NALCN: variants seen among roughly 807,000 people sequenced by gnomAD.
NALCN encodes the protein sodium leak channel, non-selective, also known as sodium leak channel NALCN.
In NALCN, 111 loss-of-function variants were observed where a neutral mutation model predicts 225.3. That is an observed-to-expected ratio of 0.49 (90% CI 0.42 to 0.58). The LOEUF (loss-of-function observed/expected upper bound fraction) is 0.58, where lower values mean the gene tolerates loss of function less well. NALCN is among the 20% of genes least tolerant of loss of function. NALCN has a pLI of 0.00. For synonymous variants in NALCN, 764 were observed against 769.0 expected (o/e 0.99, Z 0.11); for missense variants, 1,378 against 2,202.4 (o/e 0.63, Z 7.49).
intron 7 of NALCN, among the ~76,000 whole-genome samples, chr13:101,295,718 G>A (rs762786472): frequency 1.3e-5 from 2 of 152,112 alleles, no homozygotes; most frequent in Non-Finnish European, 2.9e-5. Context: ...AGACGCTGAC[G>A]ATGGAAAGAA....
At chr13:101,127,917 A>T (rs1230198794) in intron 17 of NALCN, among the ~76,000 whole-genome samples, 1 of 152,186 alleles carries the variant, frequency 6.6e-6, no homozygotes, top group Non-Finnish European at 1.5e-5. Context: ...AAACATAAAG[A>T]GCTCAGAGCT....
intron 6 of NALCN, among the ~76,000 whole-genome samples, chr13:101,346,801 C>T (rs563790283): frequency 7.9e-5 from 12 of 152,234 alleles, no homozygotes; most frequent in African/African-American, 2.4e-4. Context: ...CAAATAGCTG[C>T]TATCTGAGGT....
intron 1 of NALCN, among the ~76,000 whole-genome samples, chr13:101,415,360 T>C (rs1469218813): frequency 1.3e-5 from 2 of 152,112 alleles, no homozygotes; most frequent in African/African-American, 4.8e-5. Flanking sequence ...GCCTAGCTGA[T>C]GACCACACGA....
chr13:101,076,342 C>T lies in NALCN; in HGVS notation c.3886-401G>A, dbSNP rs532807984. Among the ~76,000 whole-genome samples the T allele has an allele frequency of 2.0e-5, 3 of 152,308 alleles. No individual in the cohort carries two copies. In the East Asian group the frequency reaches 5.8e-4, roughly 29 times the overall value. ...GATGGTGGAAAAGATTGCCAGAAGT[C>T]AGATTCTAGACACCACTGAAGAACA... is the stretch of plus-strand genomic sequence containing the variant. On this transcript the variant is annotated intron_variant, in intron 34 of 43. Coordinates refer to ENST00000251127, the MANE Select transcript of NALCN (RefSeq NM_052867.4).
At chr13:101,097,271 T>C (rs2034560909) in intron 27 of NALCN, among the ~76,000 whole-genome samples, 1 of 152,220 alleles carries the variant, frequency 6.6e-6, no homozygotes, top group Admixed American at 6.5e-5. Context: ...CCTTCCAGTC[T>C]TTTTTCCTAT....
chr13:101,338,200 G>A (rs752213430), intron 7 of NALCN, among the ~76,000 whole-genome samples: 3 of 152,130 alleles, frequency 2.0e-5, no homozygotes, highest in Non-Finnish European at 2.9e-5. Flanking sequence ...ACCATATACA[G>A]CTCGTGTAGT....
intron 30 of NALCN, among the ~76,000 whole-genome samples, chr13:101,087,144 A>C (rs34907378): frequency 0.17 from 25,979 of 152,134 alleles, 2,607 homozygotes; most frequent in Non-Finnish European, 0.23. Context: ...AAAAAAATCT[A>C]TATTACTAAT....
chr13:101,353,254 T>C (rs751531365), intron 6 of NALCN, among the ~76,000 whole-genome samples: 3 of 152,184 alleles, frequency 2.0e-5, no homozygotes, highest in Non-Finnish European at 4.4e-5. Flanking sequence ...GTGGCAGATA[T>C]AAAAATTTAG....
chr13:101,395,857 A>G (rs2047276516), intron 2 of NALCN, among the ~76,000 whole-genome samples: 1 of 152,206 alleles, frequency 6.6e-6, no homozygotes, highest in Non-Finnish European at 1.5e-5. Flanking sequence ...CATCTAGCAC[A>G]AGGGCCTATC....
chr13:101,359,759 G>C (rs1015353748), intron 6 of NALCN, among the ~76,000 whole-genome samples: 1 of 152,152 alleles, frequency 6.6e-6, no homozygotes, highest in Admixed American at 6.5e-5. Flanking sequence ...AGAAACACAG[G>C]CTCTTCCACT....
intron 13 of NALCN, among the ~76,000 whole-genome samples, chr13:101,196,407 G>T (rs1159488601): frequency 6.6e-6 from 1 of 151,912 alleles, no homozygotes; most frequent in Non-Finnish European, 1.5e-5. Flanking sequence ...TTATTCTTGG[G>T]GTCCTCTCAC....
In NALCN at chr13:101,292,147, G is replaced by C. The variant is rs2043578475; in HGVS notation, c.943-53C>G. ...CAAAGTCTAAGAATGACAAAGCAGA[G>C]GGCAACCAAAACCAAACAAAAGATC... On this transcript the variant is annotated intron_variant, in intron 8 of 43. Transcript: ENST00000251127. The surrounding 1 kb of genome is among the most constrained non-coding windows in gnomAD (Gnocchi z 4.3). 3 of 1,612,074 alleles carry C rather than the reference G, an allele frequency of 1.9e-6. No homozygotes were observed. Among genetic ancestry groups the C allele is most frequent in the Non-Finnish European group, 2.5e-6 (3 of 1,178,834 alleles).
rs756941025 is a variant in NALCN, at chr13:101,144,801, T to C, written c.1935A>G (p.Lys645=). The C allele has an allele frequency of 4.3e-6, 7 of 1,612,898 alleles. No homozygotes were observed. The highest frequency in any genetic ancestry group is 5.9e-6 in the Non-Finnish European group (7 of 1,179,496). Residue 645 remains lysine (K), a synonymous_variant, in exon 16 of 44, where the codon AAA becomes AAG. Coordinates refer to ENST00000251127, the MANE Select transcript of NALCN (RefSeq NM_052867.4). ...TAAAATCTGAAGGAAGCTTTGAGAT[T>C]TTCACCATTTGAGGTCTGTTTGGAA... ...EKFPNRPQMV[K]ISKLPSDFTV...
chr13:101,401,557 T>C (rs1164524395), intron 1 of NALCN, among the ~76,000 whole-genome samples: 1 of 152,230 alleles, frequency 6.6e-6, no homozygotes, highest in East Asian at 1.9e-4. Context: ...TGCACCTTTA[T>C]TATCAATACG....
intron 17 of NALCN, 118 bp from the exon 18 acceptor site, chr13:101,124,799 T>C (rs2036155157): frequency 1.1e-6 from 1 of 887,682 alleles, no homozygotes; most frequent in African/African-American, 1.7e-5. Flanking sequence ...CGCTAAAGCA[T>C]CATCGTACAA....
At chr13:101,202,353 T>C (rs775402897) in intron 13 of NALCN, among the ~76,000 whole-genome samples, 1 of 152,152 alleles carries the variant, frequency 6.6e-6, no homozygotes, top group Non-Finnish European at 1.5e-5. Context: ...GTATTTAAAA[T>C]CCTATGGTAA....
chr13:101,379,289 A>G (rs1235611520), intron 3 of NALCN, among the ~76,000 whole-genome samples: 1 of 152,228 alleles, frequency 6.6e-6, no homozygotes, highest in Non-Finnish European at 1.5e-5. Context: ...TAGTTCAACC[A>G]TTGTGAAAGA....
At chr13:101,368,104 T>C (rs1357969069) in intron 6 of NALCN, among the ~76,000 whole-genome samples, 1 of 151,084 alleles carries the variant, frequency 6.6e-6, no homozygotes, top group Admixed American at 6.6e-5. Flanking sequence ...CTGTACCCAT[T>C]AACTCATCAT....
intron 17 of NALCN, among the ~76,000 whole-genome samples, chr13:101,134,763 G>A (rs1944989705): frequency 6.6e-6 from 1 of 152,096 alleles, no homozygotes; most frequent in African/African-American, 2.4e-5. Flanking sequence ...CACTAACACA[G>A]TAGCCTGGGG....
Sources: allele counts gnomAD v4.1 joint callset (sites outside exome capture counted in the v4.1 genomes callset), GRCh38; gene constraint gnomAD v4.1.1; non-coding constraint Gnocchi (gnomAD v3.1); transcripts MANE v1.5; gene names NCBI Gene and HGNC (gene_info 2026-07-23, HGNC 2026-07-21).